Variants in PDE1C observed in about 807,000 individuals in gnomAD.
The protein encoded by PDE1C is dual specificity calcium/calmodulin-dependent 3',5'-cyclic nucleotide phosphodiesterase 1C.
A neutral mutation model predicts 93.1 loss-of-function variants in PDE1C; 62 were observed. The observed-to-expected ratio is 0.67, with a 90% CI of 0.54 to 0.82. The LOEUF is 0.82. Ranked by LOEUF, PDE1C falls within the 40% of genes least tolerant of loss-of-function variation. The probability of loss-of-function intolerance (pLI) is 0.00; values close to 1 mark genes in which losing one functional copy is unlikely to be tolerated. For synonymous variants in PDE1C, 325 were observed against 310.1 expected, an observed-to-expected ratio of 1.05 and a Z score of -0.50; for missense variants, 742 against 884.6, an observed-to-expected ratio of 0.84 and a Z score of 2.04.
intron 17 of PDE1C, among the ~76,000 whole-genome samples, chr7:31,754,336 T>C (rs755274874): frequency 4.6e-5 from 7 of 152,228 alleles, no homozygotes; most frequent in Non-Finnish European, 8.8e-5. Context: ...CCGTTTCTTA[T>C]GAAGCTAGAC....
the PDE1C span, among the ~76,000 whole-genome samples, chr7:31,625,989 CTA>C: frequency 6.6e-6 from 1 of 152,040 alleles, no homozygotes; most frequent in Non-Finnish European, 1.5e-5. Flanking sequence ...GTAAACTTTG[CTA>C]TGACTTTTAA....
chr7:31,863,245 T>C (rs1252293422), intron 7 of PDE1C, among the ~76,000 whole-genome samples: 1 of 152,188 alleles, frequency 6.6e-6, no homozygotes, highest in Non-Finnish European at 1.5e-5. Context: ...GGAATGTACA[T>C]TTTTCTATTA....
chr7:32,366,004 G>A (rs1784223274), intron 1 of PDE1C, among the ~76,000 whole-genome samples: 1 of 151,946 alleles, frequency 6.6e-6, no homozygotes, highest in Non-Finnish European at 1.5e-5. Flanking sequence ...TTAATATAGA[G>A]ACCCATCAAA....
intron 3 of PDE1C, chr7:32,077,908 C>G: frequency 1.0e-6 from 1 of 985,374 alleles, no homozygotes; most frequent in Non-Finnish European, 1.2e-6. Context: ...TCCAAGAAGT[C>G]TGCCAGCTTC....
rs920735109 is a variant in PDE1C, at chr7:31,872,889, GAAA to G, written c.609+400_609+402del. ...TTTGTCTGAATGAGCCAAGTGGTGG[GAAA>G]AAAAAAAGTTTACAGAGACAGCAGA... On this transcript the variant is annotated intron_variant, in intron 6 of 17. Coordinates refer to ENST00000396191, the MANE Select transcript of PDE1C (RefSeq NM_001191057.4). Among the ~76,000 whole-genome samples the G allele has an allele frequency of 1.3e-5, 2 of 149,850 alleles. 1 individual carries two copies. The highest frequency in any genetic ancestry group is 3.0e-5 in the Non-Finnish European group (2 of 67,332).
At chr7:32,299,476 T>C (rs960583353), upstream of PDE1C, 2 of 945,416 alleles carry the variant, frequency 2.1e-6, no homozygotes. Flanking sequence ...ACAATCGAAT[T>C]AGAACTCGCC....
At chr7:32,282,392 C>A (rs992488313) in intron 1 of PDE1C, among the ~76,000 whole-genome samples, 1 of 150,736 alleles carries the variant, frequency 6.6e-6, no homozygotes, top group Admixed American at 6.6e-5. Context: ...AGGAGAATCG[C>A]TTGAACCCAG....
chr7:32,168,365 CAG>C (rs1802433108), intron 3 of PDE1C, among the ~76,000 whole-genome samples: 1 of 152,170 alleles, frequency 6.6e-6, no homozygotes, highest in Non-Finnish European at 1.5e-5. Context: ...GCAAACAAAA[CAG>C]ATGATGGTAA....
intron 3 of PDE1C, among the ~76,000 whole-genome samples, chr7:32,152,571 C>T (rs1380688200): frequency 6.6e-6 from 1 of 152,138 alleles, no homozygotes; most frequent in East Asian, 1.9e-4. Context: ...ACTCAGGGCC[C>T]CTCTTTTAAT....
chr7:31,860,831 T>C (rs1291189155), intron 7 of PDE1C, among the ~76,000 whole-genome samples: 1 of 152,176 alleles, frequency 6.6e-6, no homozygotes, highest in African/African-American at 2.4e-5. Context: ...TGATCAAATT[T>C]TTACTTTTGT....
chr7:31,973,540 A>G (rs1433993968), intron 2 of PDE1C, among the ~76,000 whole-genome samples: 1 of 152,190 alleles, frequency 6.6e-6, no homozygotes, highest in Non-Finnish European at 1.5e-5. Flanking sequence ...ATACAAATGG[A>G]TAGAATTATA....
intron 1 of PDE1C, among the ~76,000 whole-genome samples, chr7:32,422,641 T>G (rs1331570621): frequency 1.3e-5 from 2 of 152,322 alleles, no homozygotes; most frequent in East Asian, 3.9e-4. Flanking sequence ...TCAAGCTAAA[T>G]CCATGTTGCT....
chr7:31,739,912 C>T, the PDE1C span, among the ~76,000 whole-genome samples: 2 of 152,324 alleles, frequency 1.3e-5, no homozygotes, highest in East Asian at 1.9e-4. Flanking sequence ...GGCACATTGA[C>T]GTAGAACACT....
the PDE1C span, among the ~76,000 whole-genome samples, chr7:31,674,589 A>G: frequency 1.3e-5 from 2 of 152,186 alleles, no homozygotes; most frequent in Admixed American, 1.3e-4. Context: ...GGACAATGGA[A>G]CAGAATAGAG....
At chr7:32,215,795 C>T (rs545324904) in intron 1 of PDE1C, among the ~76,000 whole-genome samples, 2 of 152,336 alleles carry the variant, frequency 1.3e-5, no homozygotes, top group South Asian at 2.1e-4. Flanking sequence ...GTTTTGAAAG[C>T]CCTGGCACCT....
At chr7:31,876,223 A>G (rs1796572580) in intron 5 of PDE1C, among the ~76,000 whole-genome samples, 1 of 152,166 alleles carries the variant, frequency 6.6e-6, no homozygotes, top group South Asian at 2.1e-4. Flanking sequence ...AACAGGGGAC[A>G]TAGCCAAGAG....
chr7:32,022,217 A>G lies in PDE1C; in HGVS notation c.128+29337T>C, dbSNP rs548894832. Among the ~76,000 whole-genome samples, 11 of 152,218 alleles carry G rather than the reference A, an allele frequency of 7.2e-5. No homozygotes were observed. In the East Asian group the frequency reaches 2.1e-3, roughly 29 times the overall value. ...AAGGGAGGGAAGGAGAGAACAAATAAACACTAAAAGGAATCAAACATGAAT... is the reference window on the plus strand; with the variant it reads ...AAGGGAGGGAAGGAGAGAACAAATAGACACTAAAAGGAATCAAACATGAAT... On this transcript the variant is annotated intron_variant, in intron 2 of 17. Coordinates refer to ENST00000396191, the MANE Select transcript of PDE1C (RefSeq NM_001191057.4).
chr7:31,923,350 A>C (rs1802879978), intron 2 of PDE1C, among the ~76,000 whole-genome samples: 1 of 152,154 alleles, frequency 6.6e-6, no homozygotes, highest in Admixed American at 6.6e-5. Context: ...AGACTAGATC[A>C]ACTGGAACCT....
At chr7:32,245,796 G>A (rs1168796893) in intron 1 of PDE1C, among the ~76,000 whole-genome samples, 1 of 152,088 alleles carries the variant, frequency 6.6e-6, no homozygotes, top group Non-Finnish European at 1.5e-5. Context: ...CCTCCTTGCT[G>A]TGTCCTCACA....
Sources: gnomAD v4.1 joint callset for allele counts (sites outside exome capture counted in the v4.1 genomes callset) on GRCh38, gnomAD v4.1.1 for gene constraint, MANE v1.5 for transcripts, NCBI Gene and HGNC (gene_info 2026-07-23, HGNC 2026-07-21) for gene names.